RP1: variants seen among roughly 807,000 people sequenced by gnomAD.
RP1 encodes RP1 axonemal microtubule associated.
Under a neutral mutation model 14.8 loss-of-function variants are expected in RP1, and 16 were observed. The observed-to-expected ratio is 1.08, with a 90% CI of 0.73 to 1.65. The LOEUF is 1.65. RP1 is among the 40% of genes most tolerant of loss of function. RP1 has a pLI of 0.00. For synonymous variants in RP1, 876 were observed against 883.6 expected (o/e 0.99, Z 0.15); for missense variants, 2,631 against 2,535.0 (o/e 1.04, Z -0.81).
chr8:54,754,969 T>C lies in RP1; in HGVS notation c.2941+34T>C, dbSNP rs1425694303. On this transcript the variant is annotated intron_variant, in intron 20 of 22. Transcript: ENST00000636932. ...TTAATCTTCAGTAGCATCTATTCCATAGACAAATTGTTTGGTAGTTGCTTA... is the reference window on the plus strand; with the variant it reads ...TTAATCTTCAGTAGCATCTATTCCACAGACAAATTGTTTGGTAGTTGCTTA... 4.1e-6 allele frequency: 6 copies of C among 1,451,262 alleles called. No homozygotes were observed. The South Asian group carries it at 4.4e-5, about 11-fold the overall frequency. The allele number at this position is 1,451,262 out of a possible 1,614,324, so 89.9% of individuals were successfully genotyped here. A position where few individuals can be genotyped will look rare whatever the true frequency, so the allele number is the denominator to read the frequency against.
intron 23 of RP1, among the ~76,000 whole-genome samples, chr8:54,776,090 T>A (rs1447183633): frequency 6.6e-6 from 1 of 152,246 alleles, no homozygotes; most frequent in Non-Finnish European, 1.5e-5. Context: ...ATACTATTTA[T>A]ACAGCATTTA....
intron 7 of RP1, among the ~76,000 whole-genome samples, chr8:54,667,244 C>A (rs902874968): frequency 6.6e-6 from 1 of 152,004 alleles, no homozygotes; most frequent in Admixed American, 6.6e-5. Context: ...GTCTTCCTTA[C>A]AAATAGGAAG....
At chr8:54,647,649 G>A (rs1480519474) in intron 3 of RP1, among the ~76,000 whole-genome samples, 1 of 152,008 alleles carries the variant, frequency 6.6e-6, no homozygotes, top group East Asian at 1.9e-4. Context: ...GTAATCTTGA[G>A]TGTGTTCCCT....
intron 1 of RP1, among the ~76,000 whole-genome samples, chr8:54,581,112 T>A (rs1054473855): frequency 6.6e-6 from 1 of 152,110 alleles, no homozygotes; most frequent in South Asian, 2.1e-4. Flanking sequence ...CCATTAACTC[T>A]TCATTTAGCA....
chr8:54,848,928 T>C (rs1811993771), intron 25 of RP1, among the ~76,000 whole-genome samples: 2 of 152,136 alleles, frequency 1.3e-5, no homozygotes, highest in African/African-American at 4.8e-5. Context: ...TTTGTATTTT[T>C]AGTAGAGATG....
intron 22 of RP1, among the ~76,000 whole-genome samples, chr8:54,763,914 A>T (rs76227789): frequency 1.5e-4 from 23 of 149,706 alleles, no homozygotes; most frequent in African/African-American, 5.4e-4. Context: ...TGACTTTAAA[A>T]TTTTTTTTTT....
At chr8:54,855,843 T>C (rs1812181711) in intron 26 of RP1, among the ~76,000 whole-genome samples, 1 of 152,056 alleles carries the variant, frequency 6.6e-6, no homozygotes, top group South Asian at 2.1e-4. Context: ...ACAATAAATA[T>C]TGATTCACCT....
intron 1 of RP1, among the ~76,000 whole-genome samples, chr8:54,564,680 C>A (rs1161846876): frequency 6.6e-6 from 1 of 152,192 alleles, no homozygotes; most frequent in Non-Finnish European, 1.5e-5. Context: ...CCTTAGAATT[C>A]TGTTTCTCCC....
intron 26 of RP1, among the ~76,000 whole-genome samples, chr8:54,856,427 T>C (rs1337607555): frequency 6.6e-6 from 1 of 152,178 alleles, no homozygotes; most frequent in Non-Finnish European, 1.5e-5. Context: ...AAACGTCCTA[T>C]GCGTGTGTAT....
At chr8:54,860,897 A>G (rs1812328511) in intron 27 of RP1, among the ~76,000 whole-genome samples, 1 of 152,214 alleles carries the variant, frequency 6.6e-6, no homozygotes, top group Non-Finnish European at 1.5e-5. Context: ...AAAGAAGAAA[A>G]TGTGGTAGGT....
intron 6 of RP1, among the ~76,000 whole-genome samples, chr8:54,656,426 A>T (rs2129327372): frequency 6.6e-6 from 1 of 152,248 alleles, no homozygotes; most frequent in Non-Finnish European, 1.5e-5. Context: ...CAACAGCCCT[A>T]TAGGAAGGTT....
intron 24 of RP1, among the ~76,000 whole-genome samples, chr8:54,819,654 G>A (rs1811210000): frequency 6.6e-6 from 1 of 152,156 alleles, no homozygotes; most frequent in African/African-American, 2.4e-5. Context: ...TGTGATCTGA[G>A]TCTTTGGGCA....
At chr8:54,770,755 T>A (rs1354522240), downstream of RP1, among the ~76,000 whole-genome samples, 1 of 151,672 alleles carries the variant, frequency 6.6e-6, no homozygotes, top group African/African-American at 2.4e-5. Context: ...TTGTAATTTA[T>A]ATTAACTTCT....
chr8:54,857,897 A>G (rs1349982954), intron 27 of RP1, among the ~76,000 whole-genome samples: 4 of 152,102 alleles, frequency 2.6e-5, no homozygotes, highest in Non-Finnish European at 4.4e-5. Context: ...TTAAATTCAA[A>G]CTTCAGTTCT....
exon 20 of RP1, chr8:54,754,846 C>T: frequency 1.3e-6 from 2 of 1,527,478 alleles, no homozygotes; most frequent in Admixed American, 2.0e-5. Flanking sequence ...CTAGATTTTG[C>T]AGCAAACGTA....
At chr8:54,592,802 G>A (rs760382423) in intron 1 of RP1, among the ~76,000 whole-genome samples, 40 of 152,132 alleles carry the variant, frequency 2.6e-4, no homozygotes, top group Non-Finnish European at 5.1e-4. Flanking sequence ...CCCCTTAGTG[G>A]CTCCAGGTAT....
At chr8:54,783,335 A>G (rs1810235220) in intron 23 of RP1, among the ~76,000 whole-genome samples, 1 of 152,216 alleles carries the variant, frequency 6.6e-6, no homozygotes, top group African/African-American at 2.4e-5. Flanking sequence ...AAAGCCCACT[A>G]CTATTTGTTT....
intron 25 of RP1, among the ~76,000 whole-genome samples, chr8:54,844,348 T>C (rs1277253792): frequency 6.6e-6 from 1 of 152,242 alleles, no homozygotes; most frequent in African/African-American, 2.4e-5. Flanking sequence ...ACGCAGTTAC[T>C]TTTGCACCAA....
At chr8:54,827,980 G>T (rs1811424833) in intron 24 of RP1, among the ~76,000 whole-genome samples, 1 of 151,870 alleles carries the variant, frequency 6.6e-6, no homozygotes, top group Non-Finnish European at 1.5e-5. Flanking sequence ...CATTAGCCTA[G>T]GCCTACACAG....
Sources: allele counts gnomAD v4.1 joint callset (sites outside exome capture counted in the v4.1 genomes callset), GRCh38; gene constraint gnomAD v4.1.1; transcripts MANE v1.5; gene names NCBI Gene and HGNC (gene_info 2026-07-23, HGNC 2026-07-21).